Variants in NTNG2 observed in about 807,000 individuals in gnomAD.
The protein encoded by NTNG2 is netrin G2, also known as netrin-G2.
In NTNG2, 15 loss-of-function variants were observed where a neutral mutation model predicts 47.6. The ratio of observed to expected loss-of-function variants is 0.32; its 90% CI spans 0.21 to 0.49. The LOEUF (loss-of-function observed/expected upper bound fraction) is 0.49, where lower values mean the gene tolerates loss of function less well. Ranked by LOEUF, NTNG2 falls within the 20% of genes least tolerant of loss-of-function variation. The probability of loss-of-function intolerance (pLI) is 0.99; values close to 1 mark genes in which losing one functional copy is unlikely to be tolerated. For synonymous variants in NTNG2, 307 were observed against 324.6 expected (o/e 0.95, Z 0.58); for missense variants, 578 against 764.6 (o/e 0.76, Z 2.88).
rs1386374528 is a variant in NTNG2 at position 132,242,752 on chromosome 9, AGGGGGACGGGGC to A, written c.*645_*656del. 1 of 152,178 alleles carries A rather than the reference AGGGGGACGGGGC, an allele frequency of 6.6e-6. No individual in the cohort carries two copies. Among genetic ancestry groups the A allele is most frequent in the Non-Finnish European group, 1.5e-5 (1 of 68,038 alleles). 9.4% of individuals were successfully genotyped at this position (152,178 alleles called of 1,614,324 possible). On this transcript the variant is annotated 3_prime_UTR_variant, in exon 8 of 8. Coordinates refer to ENST00000393229, the MANE Select transcript of NTNG2 (RefSeq NM_032536.4). The surrounding 1 kb of genome is among the most constrained non-coding windows in gnomAD (Gnocchi z 5.9). ...TTGTTTGTATTCACTGTCCCCTGCA[AGGGGGACGGGGC>A]GGGAGCACTGGTCACCGCGGGGGCC... is the stretch of plus-strand genomic sequence containing the variant.
At chr9:132,191,040 G>A (rs558603331) in intron 2 of NTNG2, among the ~76,000 whole-genome samples, 11 of 152,308 alleles carry the variant, frequency 7.2e-5, no homozygotes, top group South Asian at 4.1e-4. Flanking sequence ...AGTGATGTGC[G>A]GCCATGGGTA....
intron 5 of NTNG2, chr9:132,232,974 A>T (rs181896871): frequency 4.6e-5 from 7 of 152,298 alleles, no homozygotes; most frequent in Admixed American, 3.3e-4. Context: ...AGCACACCCC[A>T]CCTCTTTCTA....
chr9:132,211,345 T>C (rs1839573398), intron 3 of NTNG2, among the ~76,000 whole-genome samples: 3 of 152,124 alleles, frequency 2.0e-5, no homozygotes. Context: ...CAGGATTTGG[T>C]TTCGGGACAT....
intron 3 of NTNG2, among the ~76,000 whole-genome samples, chr9:132,209,997 C>G (rs866697558): frequency 6.6e-6 from 1 of 151,976 alleles, no homozygotes; most frequent in Admixed American, 6.6e-5. Flanking sequence ...GGCCCACCAG[C>G]ATGTGTAAGG....
At chr9:132,173,191 G>A (rs1428830534) in intron 2 of NTNG2, among the ~76,000 whole-genome samples, 3 of 152,210 alleles carry the variant, frequency 2.0e-5, no homozygotes, top group South Asian at 4.1e-4. Flanking sequence ...AAGTGACTTC[G>A]GCACCTGAGC....
At chr9:132,172,465 A>G (rs905922457) in intron 2 of NTNG2, among the ~76,000 whole-genome samples, 8 of 152,208 alleles carry the variant, frequency 5.3e-5, no homozygotes, top group Admixed American at 2.0e-4. Context: ...GGAGACTGTC[A>G]TGAGCACGGT....
intron 3 of NTNG2, among the ~76,000 whole-genome samples, chr9:132,212,993 G>C (rs530529761): frequency 6.6e-6 from 1 of 152,186 alleles, no homozygotes; most frequent in Non-Finnish European, 1.5e-5. Flanking sequence ...ACTCAGGCCT[G>C]GGCATAGCAG....
At chr9:132,216,414 C>CTCTCTCTCTGTGTGTG (rs1554790515) in intron 3 of NTNG2, among the ~76,000 whole-genome samples, 14 of 110,332 alleles carry the variant, frequency 1.3e-4, no homozygotes, top group African/African-American at 6.3e-4. Context: ...CTCTCTCTCT[C>CTCTCTCTCTGTGTGTG]TGTGTGTGTG....
In NTNG2 at chr9:132,198,122, A is replaced by T; in HGVS notation, c.370A>T (p.Thr124Ser). ...CCCCAGCCCGCTGGAAGCCAACATC[A>T]CCCTTTCGTGGAACAAGACCGTGGA... is the stretch of plus-strand genomic sequence containing the variant. ...RYPSPLEANI[T>S]LSWNKTVELT... The change falls in exon 3 of 8, where the codon ACC becomes TCC. Residue 124 changes from threonine (T) to serine (S), a missense_variant. Physicochemically the swap from Thr to Ser is moderately conservative, Grantham distance 58. Coordinates refer to ENST00000393229, the MANE Select transcript of NTNG2 (RefSeq NM_032536.4). 6.2e-7 allele frequency: 1 copy of T among 1,613,568 alleles called. No individual in the cohort carries two copies. Among genetic ancestry groups the T allele is most frequent in the Non-Finnish European group, 8.5e-7 (1 of 1,179,956 alleles).
At position 132,163,308 on chromosome 9, in the gene NTNG2, C is replaced by A. The variant is rs1022519212; in HGVS notation, c.-484+1069C>A. Among the ~76,000 whole-genome samples the A allele has an allele frequency of 6.6e-6, 1 of 150,844 alleles. No individual in the cohort carries two copies. The highest frequency in any genetic ancestry group is 1.5e-5 in the Non-Finnish European group (1 of 67,532). ...CGACCCCGCCCGCGGCCCGCCGGGA[C>A]CCACCCGGGAGCTGCTGCTCGCGCC... On this transcript the variant is annotated intron_variant, in intron 1 of 7. Transcript: ENST00000393229. The surrounding 1 kb of genome is among the most constrained non-coding windows in gnomAD (Gnocchi z 7.2).
chr9:132,225,227 GTC>G (rs1840657070), intron 3 of NTNG2, among the ~76,000 whole-genome samples: 1 of 23,254 alleles, frequency 4.3e-5, no homozygotes, highest in African/African-American at 2.2e-4. Flanking sequence ...CTTTTGTTTT[GTC>G]TTGTTTTGTT....
At chr9:132,195,474 A>ATTTTTTTTTT (rs56733654) in intron 2 of NTNG2, among the ~76,000 whole-genome samples, 2 of 80,118 alleles carry the variant, frequency 2.5e-5, no homozygotes, top group Non-Finnish European at 4.8e-5. Flanking sequence ...ACGCCTGGCT[A>ATTTTTTTTTT]TTTTTTTTTT....
chr9:132,205,307 C>T (rs890603245), intron 3 of NTNG2, among the ~76,000 whole-genome samples: 35 of 152,094 alleles, frequency 2.3e-4, no homozygotes, highest in African/African-American at 5.6e-4. Flanking sequence ...ACACACGCTG[C>T]GACACAGATG....
intron 2 of NTNG2, among the ~76,000 whole-genome samples, chr9:132,172,634 A>G (rs1473007474): frequency 6.6e-6 from 1 of 151,588 alleles, no homozygotes; most frequent in African/African-American, 2.4e-5. Context: ...ATCAGTGCCC[A>G]GTAAGCATTT....
chr9:132,198,593 A>G lies in NTNG2; in HGVS notation c.841A>G (p.Ile281Val). ...LYKYFYAISNIEVIGRCKCNL... is the reference protein window; with the variant it reads ...LYKYFYAISNVEVIGRCKCNL... Reference sequence around the variant, plus strand: ...CAAGTACTTCTACGCCATCTCCAACATCGAGGTCATCGGCAGGTAAGGCCG... The same window carrying G: ...CAAGTACTTCTACGCCATCTCCAACGTCGAGGTCATCGGCAGGTAAGGCCG... Residue 281 changes from isoleucine to valine, a missense_variant, in exon 3 of 8, where the codon ATC (isoleucine) becomes GTC (valine). Physicochemically the swap from Ile to Val is conservative, Grantham distance 29. Transcript: ENST00000393229. 1 of 1,607,270 alleles carries G rather than the reference A, an allele frequency of 6.2e-7. No homozygotes were observed. Among genetic ancestry groups the G allele is most frequent in the Non-Finnish European group, 8.5e-7 (1 of 1,175,106 alleles).
chr9:132,204,363 T>C lies in NTNG2; in HGVS notation c.857+5754T>C, dbSNP rs562552567. Among the ~76,000 whole-genome samples the C allele has an allele frequency of 2.4e-4, 37 of 152,282 alleles. No homozygotes were observed. In the East Asian group the frequency reaches 5.0e-3, roughly 21 times the overall value. ...TTCTTGTTTTCTTCCATAAACGTCC[T>C]GTCCCTATTGATCGCCCCGTAACTG... On this transcript the variant is annotated intron_variant, in intron 3 of 7. Coordinates refer to ENST00000393229, the MANE Select transcript of NTNG2 (RefSeq NM_032536.4).
At chr9:132,200,609 G>A (rs967728510) in intron 3 of NTNG2, among the ~76,000 whole-genome samples, 1 of 152,214 alleles carries the variant, frequency 6.6e-6, no homozygotes, top group African/African-American at 2.4e-5. Flanking sequence ...CTGTGGTGCT[G>A]CTGTTTCCAG....
rs1483400678 is a variant in NTNG2 at position 132,218,618 on chromosome 9, T to C, written c.858-8231T>C. Reference sequence around the variant, plus strand: ...TTCAAGCGATCCTCCTGCCTCAGCCTCCCGAGTAGCTGGGATTACAGGCGC... The same window carrying C: ...TTCAAGCGATCCTCCTGCCTCAGCCCCCCGAGTAGCTGGGATTACAGGCGC... On this transcript the variant is annotated intron_variant, in intron 3 of 7. Coordinates refer to ENST00000393229, the MANE Select transcript of NTNG2 (RefSeq NM_032536.4). The surrounding 1 kb of genome is among the most constrained non-coding windows in gnomAD (Gnocchi z 5.4). Among the ~76,000 whole-genome samples, 1 of 152,126 alleles carries C rather than the reference T, an allele frequency of 6.6e-6. No individual in the cohort carries two copies. The highest frequency in any genetic ancestry group is 2.4e-5 in the African/African-American group (1 of 41,412).
chr9:132,241,321 C>A, intron 7 of NTNG2: 3 of 423,622 alleles, frequency 7.1e-6, no homozygotes, highest in Non-Finnish European at 8.3e-6. Flanking sequence ...GGGGCCGACC[C>A]GGGGGCGGTG....
Sources: gnomAD v4.1 joint callset for allele counts (sites outside exome capture counted in the v4.1 genomes callset) on GRCh38, gnomAD v4.1.1 for gene constraint, Gnocchi (gnomAD v3.1) non-coding constraint, MANE v1.5 for transcripts, NCBI Gene and HGNC (gene_info 2026-07-23, HGNC 2026-07-21) for gene names.